The following SERPINB10 variants were observed in gnomAD, a reference collection of about 807,000 sequenced individuals.
SERPINB10 encodes the protein serpin family B member 10, also known as serpin B10.
In SERPINB10, 35 loss-of-function variants were observed where a neutral mutation model predicts 39.1. The ratio of observed to expected loss-of-function variants is 0.90; its 90% CI spans 0.68 to 1.19. The LOEUF is 1.19. SERPINB10 is among the 50% of genes most tolerant of loss of function. The probability of loss-of-function intolerance (pLI) is 0.00; values close to 1 mark genes in which losing one functional copy is unlikely to be tolerated. For synonymous variants in SERPINB10, 190 were observed against 158.1 expected (o/e 1.20, Z -1.52); for missense variants, 546 against 460.5 (o/e 1.19, Z -1.70).
At chr18:63,915,822 A>G in intron 2 of SERPINB10, 144 bp downstream of exon 2, 1 of 705,158 alleles carries the variant, frequency 1.4e-6, no homozygotes, top group South Asian at 3.1e-5. Context: ...AAAACATTCT[A>G]TACCATAAAA....
intron 1 of SERPINB10, among the ~76,000 whole-genome samples, chr18:63,914,479 C>T (rs775989084): frequency 2.6e-5 from 4 of 151,936 alleles, no homozygotes; most frequent in Admixed American, 6.6e-5. Context: ...TTGGTTAAAT[C>T]GTTTAACTTA....
At chr18:63,931,479 C>G (rs1486538856) in intron 6 of SERPINB10, among the ~76,000 whole-genome samples, 2 of 152,088 alleles carry the variant, frequency 1.3e-5, no homozygotes, top group African/African-American at 4.8e-5. Context: ...CCTTAGCATA[C>G]GGTGGGGCTT....
chr18:63,920,222 A>G (rs1029977421), intron 5 of SERPINB10, among the ~76,000 whole-genome samples: 1 of 152,066 alleles, frequency 6.6e-6, no homozygotes, highest in East Asian at 1.9e-4. Context: ...ATACTGCCAC[A>G]TGCATGGTTT....
Position 63,935,056 on chromosome 18 carries a change from T to G in SERPINB10, c.1008T>G (p.Val336=). The G allele has an allele frequency of 6.2e-7, 1 of 1,614,236 alleles. No individual in the cohort carries two copies. The highest frequency in any genetic ancestry group is 8.5e-7 in the Non-Finnish European group (1 of 1,180,050). Residue 336 remains valine, a synonymous_variant, in exon 8 of 8, where the codon GTT becomes GTG. Coordinates refer to ENST00000238508, the MANE Select transcript of SERPINB10 (RefSeq NM_005024.3). The part of the protein sequence containing the change: ...SSARNLFLSN[V]FHKAFVEINE... Reference sequence around the variant, plus strand: ...CAAGAAACCTATTTTTGTCCAATGTTTTCCATAAGGCTTTTGTGGAAATAA... The same window carrying G: ...CAAGAAACCTATTTTTGTCCAATGTGTTCCATAAGGCTTTTGTGGAAATAA...
intron 7 of SERPINB10, among the ~76,000 whole-genome samples, 188 bp downstream of exon 7, chr18:63,933,391 T>G (rs2050238472): frequency 6.6e-6 from 1 of 152,182 alleles, no homozygotes; most frequent in Admixed American, 6.5e-5. Context: ...TATTTAAACT[T>G]TACAACACTC....
chr18:63,924,201 G>T (rs1414719212), intron 5 of SERPINB10, among the ~76,000 whole-genome samples: 1 of 151,932 alleles, frequency 6.6e-6, no homozygotes, highest in African/African-American at 2.4e-5. Context: ...TTATAATACA[G>T]ATCACAATAA....
At chr18:63,918,789 T>C (rs1019203999) in intron 4 of SERPINB10, among the ~76,000 whole-genome samples, 1 of 152,000 alleles carries the variant, frequency 6.6e-6, no homozygotes, top group Non-Finnish European at 1.5e-5. Context: ...ATCATCCAAA[T>C]GGAATCTTAA....
At chr18:63,909,987 T>C (rs752551289) in intron 1 of SERPINB10, among the ~76,000 whole-genome samples, 2 of 151,956 alleles carry the variant, frequency 1.3e-5, no homozygotes, top group Non-Finnish European at 2.9e-5. Context: ...CATAAGCTTT[T>C]GGAGTAGACA....
At chr18:63,911,150 T>C (rs557327739) in intron 1 of SERPINB10, among the ~76,000 whole-genome samples, 56 of 152,102 alleles carry the variant, frequency 3.7e-4, no homozygotes, top group Middle Eastern at 3.4e-3. Flanking sequence ...TTTTTGCTTG[T>C]TGAATTAAGT....
intron 3 of SERPINB10, 79 bp downstream of exon 3, chr18:63,917,600 G>T: frequency 1.3e-6 from 1 of 761,168 alleles, no homozygotes. Context: ...GATAACTGAA[G>T]CAACTTTTAG....
chr18:63,910,705 G>A (rs1255014849), intron 1 of SERPINB10, among the ~76,000 whole-genome samples: 1 of 151,930 alleles, frequency 6.6e-6, no homozygotes, highest in African/African-American at 2.4e-5. Context: ...AACACTGATA[G>A]GCACCTAGGT....
intron 2 of SERPINB10, among the ~76,000 whole-genome samples, chr18:63,916,232 G>A (rs567932607): frequency 1.2e-4 from 17 of 146,408 alleles, no homozygotes; most frequent in East Asian, 6.2e-4. Flanking sequence ...AACATTGTGC[G>A]TATGTAAATA....
At chr18:63,915,458 ATAAATAT>A in intron 1 of SERPINB10, 37 bp from the exon 2 acceptor site, 1 of 1,392,406 alleles carries the variant, frequency 7.2e-7, no homozygotes, top group Non-Finnish European at 9.9e-7. Flanking sequence ...TGAAGTGGAA[ATAAATAT>A]TAATATGCTC....
chr18:63,928,070 A>T (rs528463735), intron 5 of SERPINB10, among the ~76,000 whole-genome samples: 1 of 149,898 alleles, frequency 6.7e-6, no homozygotes, highest in African/African-American at 2.5e-5. Context: ...ATCATGTTTA[A>T]TTTTTTTTTT....
chr18:63,911,537 C>T (rs545599944), intron 1 of SERPINB10, among the ~76,000 whole-genome samples: 2 of 151,874 alleles, frequency 1.3e-5, no homozygotes, highest in African/African-American at 2.4e-5. Context: ...GAATAGAGTC[C>T]TTTCCCAATT....
rs771552334 is a variant in SERPINB10, at chr18:63,915,691, G to T, written c.168+13G>T. ...CCAAATGGCCCAGGTGAGTGGAAAA[G>T]GTCAACTATCTTCTGTTTCTTGTAA... On this transcript the variant is annotated intron_variant, in intron 2 of 7. Coordinates refer to ENST00000238508, the MANE Select transcript of SERPINB10 (RefSeq NM_005024.3). 10 of 1,584,994 alleles carry T rather than the reference G, an allele frequency of 6.3e-6. No homozygotes were observed. Among genetic ancestry groups the T allele is most frequent in the Non-Finnish European group, 7.7e-6 (9 of 1,161,846 alleles).
At chr18:63,925,434 C>T (rs760278973) in intron 5 of SERPINB10, among the ~76,000 whole-genome samples, 4 of 151,894 alleles carry the variant, frequency 2.6e-5, no homozygotes, top group African/African-American at 9.6e-5. Context: ...CTGGGACAAG[C>T]GAAGTACAAG....
chr18:63,919,749 C>A, intron 4 of SERPINB10, 39 bp from the exon 5 acceptor site: 1 of 1,392,280 alleles, frequency 7.2e-7, no homozygotes, highest in African/African-American at 1.5e-5. Context: ...CAATTTTGAA[C>A]AAACTCTACA....
chr18:63,921,791 C>G (rs1713746577), intron 5 of SERPINB10, among the ~76,000 whole-genome samples: 1 of 151,896 alleles, frequency 6.6e-6, no homozygotes, highest in Non-Finnish European at 1.5e-5. Context: ...CACTTAAACT[C>G]TTGTCACTCC....
Sources: allele counts gnomAD v4.1 joint callset (sites outside exome capture counted in the v4.1 genomes callset), GRCh38; gene constraint gnomAD v4.1.1; transcripts MANE v1.5; gene names NCBI Gene and HGNC (gene_info 2026-07-23, HGNC 2026-07-21).